The following SLCO1B1 variants were observed in gnomAD, a reference collection of about 807,000 sequenced individuals.
The protein encoded by SLCO1B1 is solute carrier organic anion transporter family member 1B1.
Under a neutral mutation model 70.1 loss-of-function variants are expected in SLCO1B1, and 81 were observed. The observed-to-expected ratio is 1.16, with a 90% CI of 0.97 to 1.39. The LOEUF is 1.39. SLCO1B1 is among the 40% of genes most tolerant of loss of function. The probability of loss-of-function intolerance (pLI) is 0.00; values close to 1 mark genes in which losing one functional copy is unlikely to be tolerated. For synonymous variants in SLCO1B1, 283 were observed against 271.5 expected, an observed-to-expected ratio of 1.04 and a Z score of -0.42; for missense variants, 895 against 799.6, an observed-to-expected ratio of 1.12 and a Z score of -1.44.
rs755056022 is a variant in SLCO1B1, at chr12:21,206,010, T to TC, written c.1475dup (p.Ser493LysfsTer4). On this transcript the variant is annotated frameshift_variant, in exon 11 of 15. Transcript: ENST00000256958. LOFTEE classifies it high-confidence loss of function. ...ACCCTGTCTAGCAGGTTGCAAATCT[T>TC]CAAGTGGCAATAAAAAGCCTATAGT... The TC allele has an allele frequency of 7.4e-6, 12 of 1,611,882 alleles. No homozygotes were observed. The African/African-American group carries it at 1.5e-4, about 20-fold the overall frequency.
intron 9 of SLCO1B1, among the ~76,000 whole-genome samples, chr12:21,201,063 G>A (rs1388358365): frequency 6.6e-6 from 1 of 151,966 alleles, no homozygotes; most frequent in Non-Finnish European, 1.5e-5. Flanking sequence ...GACACTAATA[G>A]TTCCAAAAAG....
In SLCO1B1 at chr12:21,222,307, C is replaced by T; in HGVS notation, c.1690C>T (p.Gln564Ter). 1 of 1,300,350 alleles carries T rather than the reference C, an allele frequency of 7.7e-7. No individual in the cohort carries two copies. Among genetic ancestry groups the T allele is most frequent in the Non-Finnish European group, 1.0e-6 (1 of 990,508 alleles). 80.6% of individuals were successfully genotyped at this position (1,300,350 alleles called of 1,614,324 possible). A position where few individuals can be genotyped will look rare whatever the true frequency, so the allele number is the denominator to read the frequency against. The change falls in exon 13 of 15, where the codon CAA becomes TAA. Residue 564 changes from glutamine (Q) to a stop codon, truncating the protein, a stop_gained. Coordinates refer to ENST00000256958, the MANE Select transcript of SLCO1B1 (RefSeq NM_006446.5). LOFTEE classifies it high-confidence loss of function. ...GCCTTTGTCTTGTTTCAGAATTGTT[C>T]AACCTGAATTGAAATCACTTGCACT... ...SHVMLIVKIV[Q>*]PELKSLALGF...
At chr12:21,155,844 G>A (rs1373113223) in intron 2 of SLCO1B1, among the ~76,000 whole-genome samples, 1 of 152,142 alleles carries the variant, frequency 6.6e-6, no homozygotes, top group Non-Finnish European at 1.5e-5. Flanking sequence ...GGGATTACCT[G>A]TAGAAGGGAA....
chr12:21,132,657 T>A (rs919457313), intron 1 of SLCO1B1, among the ~76,000 whole-genome samples: 1 of 152,236 alleles, frequency 6.6e-6, no homozygotes, highest in Admixed American at 6.5e-5. Flanking sequence ...TCTGTTCATG[T>A]CCTTCACCCA....
intron 2 of SLCO1B1, among the ~76,000 whole-genome samples, chr12:21,161,595 A>G (rs775589026): frequency 9.2e-5 from 14 of 152,196 alleles, no homozygotes; most frequent in Non-Finnish European, 1.9e-4. Context: ...GTGATGAAAT[A>G]ATCTGTACCA....
At chr12:21,133,975 T>C (rs1347760259) in intron 1 of SLCO1B1, among the ~76,000 whole-genome samples, 3 of 152,350 alleles carry the variant, frequency 2.0e-5, no homozygotes, top group Non-Finnish European at 4.4e-5. Context: ...AGGTTTGTCA[T>C]AGATAGCTCT....
intron 2 of SLCO1B1, among the ~76,000 whole-genome samples, chr12:21,169,034 T>C (rs1356125999): frequency 6.6e-6 from 1 of 152,128 alleles, no homozygotes; most frequent in Non-Finnish European, 1.5e-5. Context: ...TTGAGTTAAT[T>C]TTTGCATATA....
intron 2 of SLCO1B1, among the ~76,000 whole-genome samples, chr12:21,152,463 T>C (rs1450526147): frequency 7.2e-6 from 1 of 138,786 alleles, no homozygotes; most frequent in Non-Finnish European, 1.5e-5. Context: ...AGACATAATG[T>C]ATTGAGTTTT....
chr12:21,135,999 T>C (rs1940215358), intron 1 of SLCO1B1, among the ~76,000 whole-genome samples: 2 of 152,178 alleles, frequency 1.3e-5, no homozygotes, highest in Non-Finnish European at 1.5e-5. Context: ...TGTTTAGTGC[T>C]TCCTTCAGGA....
chr12:21,234,406 T>TA (rs552661183), intron 14 of SLCO1B1, among the ~76,000 whole-genome samples: 101 of 152,328 alleles, frequency 6.6e-4, no homozygotes, highest in Non-Finnish European at 1.1e-3. Flanking sequence ...GCATTACTCC[T>TA]AAATCATAAT....
In SLCO1B1 at chr12:21,203,743, A is replaced by T. The variant is rs1242984657; in HGVS notation, c.1331+1057A>T. On this transcript the variant is annotated intron_variant, in intron 10 of 14. Transcript: ENST00000256958. ...ATTGTCCTAGAATACTGAATTTTAG[A>T]GGTAAAAGAACCTTAGAGATGATGC... is the stretch of plus-strand genomic sequence containing the variant. 2.0e-5 allele frequency among the ~76,000 whole-genome samples: 3 copies of T among 152,082 alleles called. No homozygotes were observed. In the South Asian group the frequency reaches 6.2e-4, roughly 31 times the overall value.
intron 9 of SLCO1B1, among the ~76,000 whole-genome samples, chr12:21,201,274 C>T (rs1941154288): frequency 6.6e-6 from 1 of 152,050 alleles, no homozygotes; most frequent in African/African-American, 2.4e-5. Context: ...AATTAAACAA[C>T]TTATCATGTG....
intron 7 of SLCO1B1, among the ~76,000 whole-genome samples, chr12:21,192,433 G>T (rs1941040798): frequency 6.6e-6 from 1 of 151,514 alleles, no homozygotes; most frequent in Admixed American, 6.6e-5. Flanking sequence ...TCAATTAAAT[G>T]TCTCTACTTT....
chr12:21,209,350 T>A (rs565997731), intron 11 of SLCO1B1, among the ~76,000 whole-genome samples: 372 of 152,212 alleles, frequency 2.4e-3, no homozygotes, highest in African/African-American at 8.2e-3. Flanking sequence ...AGAATGATGT[T>A]TTCCAGTTTC....
In SLCO1B1 at chr12:21,197,138, AAAC is replaced by A; in HGVS notation, c.922_924del (p.Thr308del). 6.2e-7 allele frequency: 1 copy of A among 1,613,600 alleles called. No individual in the cohort carries two copies. The highest frequency in any genetic ancestry group is 1.3e-5 in the African/African-American group (1 of 75,028). ...CTGGAAACAAATGATGAAAAGGATC[AAAC>A]AGCTAATTTGACCAATCAAGGAAAA... On this transcript the variant is annotated inframe_deletion, in exon 8 of 15. Transcript: ENST00000256958.
At chr12:21,147,929 G>T (rs1346476683) in intron 2 of SLCO1B1, among the ~76,000 whole-genome samples, 1 of 152,110 alleles carries the variant, frequency 6.6e-6, no homozygotes, top group Non-Finnish European at 1.5e-5. Flanking sequence ...GTATCTCATT[G>T]CAGTTTTGAT....
At chr12:21,182,356 T>G (rs1564369) in intron 7 of SLCO1B1, among the ~76,000 whole-genome samples, 18,570 of 152,152 alleles carry the variant, frequency 0.12, 1,519 homozygotes, top group Non-Finnish European at 0.18. Context: ...ACAGCCAGCC[T>G]TGAACCCAGG....
At chr12:21,180,402 C>G (rs1940881105) in intron 7 of SLCO1B1, among the ~76,000 whole-genome samples, 1 of 152,132 alleles carries the variant, frequency 6.6e-6, no homozygotes, top group South Asian at 2.1e-4. Flanking sequence ...AAATTAATAG[C>G]CAAGAGCATG....
intron 7 of SLCO1B1, among the ~76,000 whole-genome samples, chr12:21,191,999 A>G (rs1397721037): frequency 2.6e-5 from 4 of 151,934 alleles, no homozygotes; most frequent in African/African-American, 7.2e-5. Flanking sequence ...TTTATATGCT[A>G]TTAAATTTGG....
Sources: gnomAD v4.1 joint callset for allele counts (sites outside exome capture counted in the v4.1 genomes callset) on GRCh38, gnomAD v4.1.1 for gene constraint, MANE v1.5 for transcripts, NCBI Gene and HGNC (gene_info 2026-07-23, HGNC 2026-07-21) for gene names.